Variants in SHF observed in about 807,000 individuals in gnomAD.
SHF encodes Src homology 2 domain containing F.
A neutral mutation model predicts 42.4 loss-of-function variants in SHF; 30 were observed. That is an observed-to-expected ratio of 0.71 (90% CI 0.53 to 0.96). The LOEUF is 0.96. SHF is among the 40% of genes least tolerant of loss of function. The probability of loss-of-function intolerance (pLI) is 0.00; values close to 1 mark genes in which losing one functional copy is unlikely to be tolerated. For synonymous variants in SHF, 264 were observed against 269.9 expected (o/e 0.98, Z 0.21); for missense variants, 598 against 634.0 (o/e 0.94, Z 0.61).
chr15:45,181,691 T>C (rs1176677870), intron 1 of SHF, among the ~76,000 whole-genome samples: 1 of 152,112 alleles, frequency 6.6e-6, no homozygotes. Context: ...TGACCTCTAA[T>C]GGCTGCAGGA....
At chr15:45,195,478 C>T (rs1898836261) in intron 2 of SHF, among the ~76,000 whole-genome samples, 2 of 152,148 alleles carry the variant, frequency 1.3e-5, no homozygotes, top group African/African-American at 4.8e-5. Flanking sequence ...CTGTTGACTC[C>T]TGTCCTTGAA....
rs189262225 is a variant in SHF at position 45,181,482 on chromosome 15, G to A, written c.499-3176C>T. Among the ~76,000 whole-genome samples the A allele has an allele frequency of 3.3e-5, 5 of 152,288 alleles. No individual in the cohort carries two copies. The East Asian group carries it at 5.8e-4, about 18-fold the overall frequency. On this transcript the variant is annotated intron_variant, in intron 1 of 6. Transcript: ENST00000690270. ...GAGGAAGCTGCTCCTATAGGCTTCC[G>A]ACCCCTTTGACCTACCCTAATTTGT... is the stretch of plus-strand genomic sequence containing the variant.
intron 1 of SHF, chr15:45,200,685 C>T (rs1384806659): frequency 2.2e-6 from 1 of 455,150 alleles, no homozygotes; most frequent in African/African-American, 2.0e-5. Context: ...ACACGGTGGC[C>T]GATTTCTCCA....
rs149750928 is a variant in SHF at position 45,195,277 on chromosome 15, C to T, written c.303+3495G>A. Among the ~76,000 whole-genome samples the T allele has an allele frequency of 7.9e-3, 1,196 of 152,244 alleles. 8 individuals are homozygous for T. The highest frequency in any genetic ancestry group is 0.01 in the Non-Finnish European group (704 of 68,016). On this transcript the variant is annotated intron_variant, in intron 2 of 7. Transcript: ENST00000290894. Reference sequence around the variant, plus strand: ...TTATGGAGATAATTTTTCCTAGTTTCGCATTATTTCCTTTGGTGAGATTCT... The same window carrying T: ...TTATGGAGATAATTTTTCCTAGTTTTGCATTATTTCCTTTGGTGAGATTCT...
rs1169854324 is a variant in SHF at position 45,179,385 on chromosome 15, C to G, written c.499-1079G>C. Among the ~76,000 whole-genome samples, 6 of 152,296 alleles carry G rather than the reference C, an allele frequency of 3.9e-5. No homozygotes were observed. In the East Asian group the frequency reaches 1.2e-3, roughly 29 times the overall value. On this transcript the variant is annotated intron_variant, in intron 1 of 6. Coordinates refer to ENST00000690270, the MANE Select transcript of SHF (RefSeq NM_001394037.1). ...ATGCTGGAGCCGGCTTTGGGACAGA[C>G]CTGAAGTTGTGCTGAAGTCCCTGTG...
At chr15:45,177,891 C>T (rs1315342112) in intron 2 of SHF, among the ~76,000 whole-genome samples, 2 of 152,154 alleles carry the variant, frequency 1.3e-5, no homozygotes, top group African/African-American at 2.4e-5. Flanking sequence ...GATCACTGAT[C>T]CTCCCAGCCC....
intron 2 of SHF, among the ~76,000 whole-genome samples, chr15:45,195,141 A>G (rs940830047): frequency 6.6e-6 from 1 of 152,210 alleles, no homozygotes; most frequent in African/African-American, 2.4e-5. Context: ...CTGTAATTTT[A>G]AAATGGTTAT....
At chr15:45,196,626 G>A (rs569706276) in intron 2 of SHF, among the ~76,000 whole-genome samples, 1 of 152,172 alleles carries the variant, frequency 6.6e-6, no homozygotes, top group African/African-American at 2.4e-5. Flanking sequence ...GGCCGGGCGT[G>A]GTGGCTCACA....
In SHF at chr15:45,172,013, G is replaced by C; in HGVS notation, c.1161-11C>G. 6.2e-7 allele frequency: 1 copy of C among 1,613,922 alleles called. No individual in the cohort carries two copies. The highest frequency in any genetic ancestry group is 8.5e-7 in the Non-Finnish European group (1 of 1,179,852). ...GCCCCGTGATACCAGCTAAGGATGA[G>C]AGAGAGGAAGGGGGGCATCTCTGCT... On this transcript the variant is annotated splice_polypyrimidine_tract_variant and intron_variant, in intron 5 of 6. Coordinates refer to ENST00000690270, the MANE Select transcript of SHF (RefSeq NM_001394037.1).
intron 2 of SHF, among the ~76,000 whole-genome samples, chr15:45,196,542 A>G (rs561682199): frequency 3.5e-4 from 54 of 152,332 alleles, no homozygotes; most frequent in African/African-American, 1.2e-3. Flanking sequence ...CTAGCATTTC[A>G]TCGAAGCCCC....
At chr15:45,180,252 C>A (rs149977815) in intron 1 of SHF, among the ~76,000 whole-genome samples, 2,522 of 152,236 alleles carry the variant, frequency 0.017, 42 homozygotes, top group Admixed American at 0.038. Flanking sequence ...CCCTTGGAGC[C>A]CTTCACCCCT....
Position 45,175,208 on chromosome 15 carries a change from C to A in SHF, c.847+11G>T. 6.2e-7 allele frequency: 1 copy of A among 1,604,584 alleles called. No individual in the cohort carries two copies. The highest frequency in any genetic ancestry group is 1.1e-5 in the South Asian group (1 of 89,366). On this transcript the variant is annotated intron_variant, in intron 3 of 6. Coordinates refer to ENST00000690270, the MANE Select transcript of SHF (RefSeq NM_001394037.1). ...GGCCCCAGCTGACCTGCCCTCTCCA[C>A]CAGGACTCACCTGCAAAGGCTTTGG...
chr15:45,189,770 A>T (rs556770813), upstream of SHF, among the ~76,000 whole-genome samples: 1 of 152,210 alleles, frequency 6.6e-6, no homozygotes, highest in South Asian at 2.1e-4. Flanking sequence ...AGAAGGATGT[A>T]ATGGCAAAAC....
upstream of SHF, chr15:45,187,988 G>T: frequency 9.5e-6 from 10 of 1,057,968 alleles, no homozygotes; most frequent in Non-Finnish European, 1.2e-5. Context: ...GCGCAGCGGC[G>T]GGTGGGGGGC....
chr15:45,183,924 G>C (rs1488861029), intron 1 of SHF, among the ~76,000 whole-genome samples: 7 of 152,170 alleles, frequency 4.6e-5, no homozygotes, highest in Admixed American at 4.6e-4. Context: ...GGCTTAAGAG[G>C]TTTAACTAGT....
Position 45,187,737 on chromosome 15 carries a change from G to C in SHF, c.215C>G (p.Pro72Arg). The C allele has an allele frequency of 6.1e-6, 6 of 983,496 alleles. No individual in the cohort carries two copies. Among genetic ancestry groups the C allele is most frequent in the African/African-American group, 3.4e-5 (2 of 59,154 alleles). 60.9% of individuals were successfully genotyped at this position (983,496 alleles called of 1,614,324 possible). ...GGGGGSKPAP[P>R]EPDYRPPAPS... ...CGCAGGGGGGCGGTAGTCGGGCTCG[G>C]GGGGCGCCGGCTTGCTGCCCCCTCC... Residue 72 changes from proline to arginine, a missense_variant, in exon 1 of 7, where the codon CCC becomes CGC. Pro to Arg is a moderately radical substitution (Grantham distance 103, BLOSUM62 -2). Transcript: ENST00000690270.
intron 2 of SHF, among the ~76,000 whole-genome samples, chr15:45,176,132 C>A: frequency 6.6e-6 from 1 of 152,070 alleles, no homozygotes; most frequent in East Asian, 1.9e-4. Flanking sequence ...CAAGTGATAT[C>A]ATTTGACAAT....
At chr15:45,187,334 C>A (rs1898477117) in intron 1 of SHF, 120 bp downstream of exon 1, 1 of 1,005,618 alleles carries the variant, frequency 9.9e-7, no homozygotes, top group African/African-American at 1.7e-5. Context: ...GTCAGGGGCT[C>A]GCGTCTGCCA....
At chr15:45,183,657 A>G (rs1256240273) in intron 1 of SHF, among the ~76,000 whole-genome samples, 4 of 152,236 alleles carry the variant, frequency 2.6e-5, no homozygotes, top group Non-Finnish European at 5.9e-5. Context: ...CCTAGCCAGT[A>G]GCTCCCACCC....
Sources: gnomAD v4.1 joint callset for allele counts (sites outside exome capture counted in the v4.1 genomes callset) on GRCh38, gnomAD v4.1.1 for gene constraint, MANE v1.5 for transcripts, NCBI Gene and HGNC (gene_info 2026-07-23, HGNC 2026-07-21) for gene names.